AADACL2: variants seen among roughly 807,000 people sequenced by gnomAD.
AADACL2 encodes the protein arylacetamide deacetylase-like 2.
In AADACL2, 23 loss-of-function variants were observed where a neutral mutation model predicts 22.3. The ratio of observed to expected loss-of-function variants is 1.03; its 90% CI spans 0.74 to 1.46. The LOEUF (loss-of-function observed/expected upper bound fraction) is 1.46, where lower values mean the gene tolerates loss of function less well. Among genes scored for constraint, AADACL2 ranks in the 40% most tolerant of loss-of-function variants. AADACL2 has a pLI of 0.00. For missense variants in AADACL2, 472 were observed against 482.9 expected (o/e 0.98, Z 0.21); for synonymous variants, 177 against 166.2 (o/e 1.07, Z -0.50).
intron 4 of AADACL2, among the ~76,000 whole-genome samples, chr3:151,754,411 T>A (rs573529163): frequency 6.6e-6 from 1 of 152,184 alleles, no homozygotes; most frequent in Admixed American, 6.6e-5. Context: ...ACACGGCCTA[T>A]AACTTGAACC....
chr3:151,752,067 T>C (rs1713690527), intron 4 of AADACL2, among the ~76,000 whole-genome samples: 1 of 152,216 alleles, frequency 6.6e-6, no homozygotes, highest in African/African-American at 2.4e-5. Context: ...CTTTAAGTTA[T>C]TTGTTCTTCA....
chr3:151,753,066 A>G (rs1713732255), intron 4 of AADACL2, among the ~76,000 whole-genome samples: 1 of 152,214 alleles, frequency 6.6e-6, no homozygotes, highest in South Asian at 2.1e-4. Flanking sequence ...TGATTTTTAG[A>G]AAAACATGAT....
At chr3:151,742,293 T>TCA (rs1254096368) in intron 2 of AADACL2, among the ~76,000 whole-genome samples, 1 of 152,126 alleles carries the variant, frequency 6.6e-6, no homozygotes, top group Non-Finnish European at 1.5e-5. Context: ...ACATTTATCC[T>TCA]CATATCTTTT....
chr3:151,745,275 A>G (rs1408599694), intron 3 of AADACL2, among the ~76,000 whole-genome samples: 1 of 152,186 alleles, frequency 6.6e-6, no homozygotes, highest in Non-Finnish European at 1.5e-5. Flanking sequence ...TAGGAAGTTC[A>G]TAACACTCCC....
intron 4 of AADACL2, among the ~76,000 whole-genome samples, chr3:151,748,043 T>G (rs1049888294): frequency 6.6e-6 from 1 of 152,192 alleles, no homozygotes; most frequent in Non-Finnish European, 1.5e-5. Context: ...ATTTGAAATA[T>G]TTTCTCCTAC....
intron 4 of AADACL2, among the ~76,000 whole-genome samples, chr3:151,754,381 C>G (rs1713797173): frequency 1.3e-5 from 2 of 152,086 alleles, no homozygotes; most frequent in African/African-American, 4.8e-5. Context: ...ATACCAGTGG[C>G]ATGGCCTATA....
intron 4 of AADACL2, among the ~76,000 whole-genome samples, chr3:151,756,069 A>G (rs1319281756): frequency 6.6e-6 from 1 of 152,088 alleles, no homozygotes; most frequent in African/African-American, 2.4e-5. Context: ...CAGTTCAGCC[A>G]GCCACTGTGG....
Position 151,757,481 on chromosome 3 carries a change from C to T in AADACL2, c.1093C>T (p.His365Tyr). 1 of 1,613,558 alleles carries T rather than the reference C, an allele frequency of 6.2e-7. No individual in the cohort carries two copies. Residue 365 changes from histidine to tyrosine, a missense_variant, in exon 5 of 5, where the codon CAT becomes TAT. Coordinates refer to ENST00000356517, the MANE Select transcript of AADACL2 (RefSeq NM_207365.4). Reference protein sequence around the residue: ...RNVGVQVVHEHIEDGIHGALS... With the variant: ...RNVGVQVVHEYIEDGIHGALS... ...TGTTGGAGTCCAAGTTGTTCATGAACATATTGAGGATGGAATTCATGGAGC... is the reference window on the plus strand; with the variant it reads ...TGTTGGAGTCCAAGTTGTTCATGAATATATTGAGGATGGAATTCATGGAGC...
chr3:151,746,324 C>T (rs1225078764), intron 4 of AADACL2, among the ~76,000 whole-genome samples: 3 of 148,770 alleles, frequency 2.0e-5, no homozygotes, highest in Middle Eastern at 7.1e-3. Flanking sequence ...ATCATATCCT[C>T]AATAAACTCA....
rs149434862 is a variant in AADACL2, at chr3:151,736,603, C to T, written c.138+2430C>T. ...GGTTTTCTGTTCCTGTGTTAGTTTG[C>T]TGAGAATGATGGCTTCCAGCTCCAT... On this transcript the variant is annotated intron_variant, in intron 1 of 4. Transcript: ENST00000356517. Among the ~76,000 whole-genome samples, 619 of 152,182 alleles carry T rather than the reference C, an allele frequency of 4.1e-3. 7 individuals carry two copies. The highest frequency in any genetic ancestry group is 0.014 in the African/African-American group (593 of 41,510).
At chr3:151,756,378 C>CA (rs1278815802) in intron 4 of AADACL2, among the ~76,000 whole-genome samples, 3 of 152,102 alleles carry the variant, frequency 2.0e-5, no homozygotes, top group African/African-American at 7.2e-5. Context: ...GCATCATTCT[C>CA]ATAAGATACC....
rs1714105387 is a variant in AADACL2 at position 151,760,503 on chromosome 3, T to G, written c.*2909T>G. Reference sequence around the variant, plus strand: ...TACAGAAGAAATTCTTGACTTCATCTATCCGAATTTCTACAAGTCATCTGT... The same window carrying G: ...TACAGAAGAAATTCTTGACTTCATCGATCCGAATTTCTACAAGTCATCTGT... On this transcript the variant is annotated 3_prime_UTR_variant, in exon 5 of 5. Coordinates refer to ENST00000356517, the MANE Select transcript of AADACL2 (RefSeq NM_207365.4). 1 of 152,410 alleles carries G rather than the reference T, an allele frequency of 6.6e-6. No homozygotes were observed. The highest frequency in any genetic ancestry group is 1.5e-5 in the Non-Finnish European group (1 of 68,044). 9.4% of individuals were successfully genotyped at this position (152,410 alleles called of 1,614,324 possible).
intron 1 of AADACL2, 22 bp downstream of exon 1, chr3:151,734,195 TC>T (rs773290287): frequency 6.2e-7 from 1 of 1,608,004 alleles, no homozygotes; most frequent in Non-Finnish European, 8.5e-7. Context: ...ATTTATTTTT[TC>T]TGTTGGAAAT....
In AADACL2 at chr3:151,757,424, G is replaced by A; in HGVS notation, c.1036G>A (p.Asp346Asn). The change falls in exon 5 of 5, where the codon GAT becomes AAT. Residue 346 changes from aspartate (D) to asparagine (N), a missense_variant. Physicochemically the swap from Asp to Asn is conservative, Grantham distance 23 (BLOSUM62 1). Around this residue, in one of 3 missense-constraint regions of AADACL2, gnomAD observed 113 missense variants for 100.9 expected, o/e 1.12. Coordinates refer to ENST00000356517, the MANE Select transcript of AADACL2 (RefSeq NM_207365.4). ...LTCQHDLLRD[D>N]GLMYVTRLRN... is the part of the protein sequence containing the mutation. ...TTGTCAACATGATCTCTTAAGAGATGATGGACTTATGTATGTTACAAGACT... is the reference window on the plus strand; with the variant it reads ...TTGTCAACATGATCTCTTAAGAGATAATGGACTTATGTATGTTACAAGACT... 1 of 1,613,612 alleles carries A rather than the reference G, an allele frequency of 6.2e-7. No homozygotes were observed.
chr3:151,752,980 C>G (rs1309304623), intron 4 of AADACL2, among the ~76,000 whole-genome samples: 1 of 152,064 alleles, frequency 6.6e-6, no homozygotes, highest in East Asian at 1.9e-4. Flanking sequence ...ATATGTGACA[C>G]TTCTTTAAAA....
chr3:151,752,135 A>AT (rs550660496), intron 4 of AADACL2, among the ~76,000 whole-genome samples: 1 of 152,004 alleles, frequency 6.6e-6, no homozygotes, highest in Non-Finnish European at 1.5e-5. Flanking sequence ...TATTACCTGT[A>AT]CTGTGTTTAT....
intron 4 of AADACL2, among the ~76,000 whole-genome samples, 199 bp from the exon 5 acceptor site, chr3:151,756,793 T>G (rs529705418): frequency 6.6e-6 from 1 of 151,868 alleles, no homozygotes; most frequent in East Asian, 1.9e-4. Flanking sequence ...AAAATCAATA[T>G]TTTTTAAAAC....
chr3:151,745,968 C>A (rs548249527), intron 4 of AADACL2, among the ~76,000 whole-genome samples: 1 of 151,958 alleles, frequency 6.6e-6, no homozygotes, highest in East Asian at 1.9e-4. Flanking sequence ...ATTAGATTAT[C>A]TTATCAATTT....
intron 1 of AADACL2, 87 bp downstream of exon 1, chr3:151,734,260 A>G (rs1713020394): frequency 1.5e-6 from 2 of 1,354,384 alleles, no homozygotes; most frequent in South Asian, 3.1e-5. Flanking sequence ...TATTAATAGT[A>G]TTAATATCAC....
Sources: gnomAD v4.1 joint callset for allele counts (sites outside exome capture counted in the v4.1 genomes callset) on GRCh38, gnomAD v4.1.1 for gene constraint, gnomAD v4.1.1 regional missense constraint, MANE v1.5 for transcripts, NCBI Gene and HGNC (gene_info 2026-07-23, HGNC 2026-07-21) for gene names.